Variants in GSE1 observed in about 807,000 individuals in gnomAD.
GSE1 encodes the protein genetic suppressor element 1.
GSE1 carries 32 observed loss-of-function variants against 112.6 expected under a neutral mutation model. That is an observed-to-expected ratio of 0.28 (90% confidence interval 0.21 to 0.38). The LOEUF (loss-of-function observed/expected upper bound fraction) is 0.38. GSE1 is among the 10% of genes least tolerant of loss of function. The pLI is 1.00. For synonymous variants in GSE1, 1,115 were observed against 735.6 expected, an observed-to-expected ratio of 1.52 and a Z score of -8.35; for missense variants, 2,348 against 1,699.2, an observed-to-expected ratio of 1.38 and a Z score of -6.71.
intron 2 of GSE1, among the ~76,000 whole-genome samples, chr16:85,520,017 C>A (rs1207500839): frequency 6.6e-6 from 1 of 152,156 alleles, no homozygotes; most frequent in Non-Finnish European, 1.5e-5. Context: ...TAGGGAGGCC[C>A]AGGACCCTGT....
At chr16:85,618,869 G>A (rs571262518) in intron 1 of GSE1, among the ~76,000 whole-genome samples, 1 of 152,334 alleles carries the variant, frequency 6.6e-6, no homozygotes, top group African/African-American at 2.4e-5. Flanking sequence ...TCACTGTGTT[G>A]CCCAGGGTGG....
At chr16:85,643,533 GA>G (rs1269369867) in intron 2 of GSE1, among the ~76,000 whole-genome samples, 1 of 150,628 alleles carries the variant, frequency 6.6e-6, no homozygotes, top group East Asian at 2.0e-4. Context: ...GCTTAGAAAC[GA>G]GGCTCATTCA....
intron 1 of GSE1, among the ~76,000 whole-genome samples, chr16:85,353,316 C>G (rs527456901): frequency 4.6e-5 from 7 of 152,370 alleles, no homozygotes; most frequent in African/African-American, 1.7e-4. Flanking sequence ...CCTTCCTATA[C>G]AAGTTCGTGT....
chr16:85,426,178 G>A (rs1387088425), intron 2 of GSE1, among the ~76,000 whole-genome samples: 1 of 142,622 alleles, frequency 7.0e-6, no homozygotes, highest in Non-Finnish European at 1.5e-5. Context: ...GTGGATGGAT[G>A]TATAGTGGAT....
chr16:85,436,258 A>G (rs1281529486), intron 2 of GSE1, among the ~76,000 whole-genome samples: 1 of 152,212 alleles, frequency 6.6e-6, no homozygotes, highest in African/African-American at 2.4e-5. Flanking sequence ...TGAAGGTATC[A>G]GAGCGCAGGA....
upstream of GSE1, among the ~76,000 whole-genome samples, chr16:85,612,103 C>T (rs1018616339): frequency 6.6e-6 from 1 of 151,962 alleles, no homozygotes; most frequent in African/African-American, 2.4e-5. Flanking sequence ...GAGGGAGCGA[C>T]CCCGGGGCCT....
Position 85,269,855 on chromosome 16 carries a change from C to T in GSE1, c.2284-87608C>T, listed in dbSNP as rs550984788. Among the ~76,000 whole-genome samples the T allele has an allele frequency of 1.0e-4, 15 of 149,660 alleles. 1 individual carries two copies. Among genetic ancestry groups the T allele is most frequent in the African/African-American group, 3.6e-4 (15 of 41,430 alleles). Reference sequence around the variant, plus strand: ...GTAGGTGGGATGCCTGTGCCCTACACACACGCCATGTTGATGACCAAGCAG... The same window carrying T: ...GTAGGTGGGATGCCTGTGCCCTACATACACGCCATGTTGATGACCAAGCAG... On this transcript the variant is annotated intron_variant, in intron 1 of 2. Coordinates refer to the GSE1 transcript ENST00000637419.
intron 2 of GSE1, among the ~76,000 whole-genome samples, chr16:85,434,314 TAATAA>T (rs1436203303): frequency 2.3e-5 from 1 of 44,340 alleles, no homozygotes; most frequent in Non-Finnish European, 6.4e-5. Flanking sequence ...GGTCTAATAA[TAATAA>T]TAATAATAAT....
At chr16:85,574,398 G>A (rs970229536) in intron 1 of GSE1, among the ~76,000 whole-genome samples, 2 of 152,124 alleles carry the variant, frequency 1.3e-5, no homozygotes, top group Non-Finnish European at 2.9e-5. Flanking sequence ...CTTGACACCC[G>A]GCTGGGTCTT....
intron 1 of GSE1, among the ~76,000 whole-genome samples, chr16:85,337,299 T>C (rs9934340): frequency 0.07 from 10,551 of 149,902 alleles, 387 homozygotes; most frequent in Admixed American, 0.093. Flanking sequence ...TTTTTTTTCT[T>C]TTCTTTTCTT....
intron 1 of GSE1, among the ~76,000 whole-genome samples, chr16:85,238,566 G>A (rs1022067056): frequency 1.3e-5 from 2 of 152,172 alleles, no homozygotes. Flanking sequence ...GCCTCTGCTC[G>A]CTCAGCTCTG....
At chr16:85,651,066 TCCGCCCCTCCTCCCCCTCCCC>T (rs2051306024) in intron 3 of GSE1, among the ~76,000 whole-genome samples, 4 of 21,128 alleles carry the variant, frequency 1.9e-4, no homozygotes, top group African/African-American at 7.4e-4. Context: ...CCCCTCCCCC[TCCGCCCCTCCTCCCCCTCCCC>T]CTCCGCCTTC....
chr16:85,327,888 T>C (rs1159985165), intron 1 of GSE1, among the ~76,000 whole-genome samples: 1 of 152,174 alleles, frequency 6.6e-6, no homozygotes, highest in Non-Finnish European at 1.5e-5. Flanking sequence ...GGATGTTGTC[T>C]TTCCTCCTTG....
At chr16:85,245,017 C>T (rs1221499589) in intron 1 of GSE1, among the ~76,000 whole-genome samples, 5 of 149,372 alleles carry the variant, frequency 3.3e-5, no homozygotes, top group Non-Finnish European at 7.4e-5. Context: ...AATTTTTTTT[C>T]CGAGTGTGGT....
intron 1 of GSE1, among the ~76,000 whole-genome samples, chr16:85,599,078 C>T (rs751375134): frequency 2.6e-4 from 40 of 152,206 alleles, no homozygotes; most frequent in African/African-American, 9.7e-5. Context: ...CATCTTCGTG[C>T]GCCGATAGAA....
intron 2 of GSE1, among the ~76,000 whole-genome samples, chr16:85,365,666 G>C (rs1015617816): frequency 2.6e-5 from 4 of 152,186 alleles, no homozygotes; most frequent in African/African-American, 9.6e-5. Context: ...GCAAAGGTTT[G>C]TAGAAGGCGA....
chr16:85,509,929 C>G (rs2051675807), intron 2 of GSE1, among the ~76,000 whole-genome samples: 1 of 152,208 alleles, frequency 6.6e-6, no homozygotes, highest in African/African-American at 2.4e-5. Context: ...TGACAAGAGC[C>G]ATTTCCAAGA....
At chr16:85,654,696 T>C in intron 4 of GSE1, 98 bp from the exon 5 acceptor site, 1 of 825,944 alleles carries the variant, frequency 1.2e-6, no homozygotes. Context: ...GGGTGCCGAC[T>C]GAGCGCCAGG....
chr16:85,554,887 G>T, upstream of GSE1: 1 of 985,324 alleles, frequency 1.0e-6, no homozygotes. Flanking sequence ...GTTTGCAAAC[G>T]GCCCCCGCTT....
Sources: allele counts gnomAD v4.1 joint callset (sites outside exome capture counted in the v4.1 genomes callset), GRCh38; gene constraint gnomAD v4.1.1; transcripts MANE v1.5; gene names NCBI Gene and HGNC (gene_info 2026-07-23, HGNC 2026-07-21).